AP2A2: variants seen among roughly 807,000 people sequenced by gnomAD.
AP2A2 encodes the protein adaptor related protein complex 2 subunit alpha 2.
A neutral mutation model predicts 104.2 loss-of-function variants in AP2A2; 32 were observed. That is an observed-to-expected ratio of 0.31 (90% CI 0.23 to 0.41). AP2A2 has a LOEUF of 0.41. Ranked by LOEUF, AP2A2 falls within the 10% of genes least tolerant of loss-of-function variation. The pLI is 1.00. For missense variants in AP2A2, 912 were observed against 1,261.0 expected (o/e 0.72, Z 4.19); for synonymous variants, 539 against 533.3 (o/e 1.01, Z -0.15).
Position 959,427 on chromosome 11 carries a change from T to C in AP2A2, c.68-10T>C, listed in dbSNP as rs781692514. The C allele has an allele frequency of 6.8e-7, 1 of 1,475,558 alleles. No individual in the cohort carries two copies. The highest frequency in any genetic ancestry group is 9.4e-7 in the Non-Finnish European group (1 of 1,066,574). The allele number at this position is 1,475,558 out of a possible 1,614,324, so 91.4% of individuals were successfully genotyped here. Reference sequence around the variant, plus strand: ...TTAAAATAAAAATGGCTTTTTGTTCTTTTTTTTAGGTAAAAGTAAAGAAGC... The same window carrying C: ...TTAAAATAAAAATGGCTTTTTGTTCCTTTTTTTAGGTAAAAGTAAAGAAGC... On this transcript the variant is annotated splice_polypyrimidine_tract_variant and intron_variant, in intron 1 of 21. Transcript: ENST00000448903.
intron 10 of AP2A2, among the ~76,000 whole-genome samples, chr11:990,435 C>A (rs571681678): frequency 4.7e-4 from 72 of 151,890 alleles, no homozygotes; most frequent in Non-Finnish European, 8.1e-4. Context: ...ACGGGAGCCT[C>A]GTTCCTGATT....
At chr11:970,393 G>A in intron 3 of AP2A2, 82 bp downstream of exon 3, 2 of 1,542,248 alleles carry the variant, frequency 1.3e-6, no homozygotes, top group Non-Finnish European at 1.8e-6. Flanking sequence ...TAGGGCCGCT[G>A]CTTCCTTCTC....
chr11:1,001,611 G>A (rs980037854), intron 15 of AP2A2, among the ~76,000 whole-genome samples: 3 of 152,138 alleles, frequency 2.0e-5, no homozygotes, highest in Non-Finnish European at 4.4e-5. Flanking sequence ...GTGGGTGCAG[G>A]TCGCCGCTTG....
At chr11:928,012 C>A (rs969799293) in intron 1 of AP2A2, among the ~76,000 whole-genome samples, 1 of 152,164 alleles carries the variant, frequency 6.6e-6, no homozygotes, top group African/African-American at 2.4e-5. Context: ...GTCTGTCCTT[C>A]CATTTTTGAA....
At chr11:933,481 T>C in intron 1 of AP2A2, 4 of 452,942 alleles carry the variant, frequency 8.8e-6, no homozygotes, top group South Asian at 6.2e-5. Flanking sequence ...GTGGGTGGGA[T>C]AGGTTGAGGT....
intron 5 of AP2A2, among the ~76,000 whole-genome samples, chr11:979,240 G>C (rs543383449): frequency 2.7e-5 from 4 of 150,060 alleles, no homozygotes; most frequent in East Asian, 3.9e-4. Flanking sequence ...TTCTAGATGC[G>C]TGTTTCCTGG....
intron 1 of AP2A2, among the ~76,000 whole-genome samples, chr11:930,562 C>G (rs565745870): frequency 1.3e-5 from 2 of 152,002 alleles, no homozygotes; most frequent in East Asian, 3.9e-4. Context: ...GCTCTGTCGC[C>G]CAGGCTGGAG....
At chr11:945,025 G>C (rs1019165689) in intron 1 of AP2A2, among the ~76,000 whole-genome samples, 6 of 152,026 alleles carry the variant, frequency 3.9e-5, no homozygotes, top group African/African-American at 1.5e-4. Flanking sequence ...TGGTGTGAGG[G>C]GTGAACAGCT....
intron 1 of AP2A2, among the ~76,000 whole-genome samples, chr11:953,384 C>G (rs1854117207): frequency 6.6e-6 from 1 of 151,964 alleles, no homozygotes; most frequent in Admixed American, 6.5e-5. Flanking sequence ...AGGCTGGTCT[C>G]AAACTCCTGA....
chr11:937,073 T>C (rs959463667), intron 1 of AP2A2, among the ~76,000 whole-genome samples: 1 of 152,066 alleles, frequency 6.6e-6, no homozygotes, highest in Non-Finnish European at 1.5e-5. Flanking sequence ...CAGGCTGGAG[T>C]GCAGTGGCGC....
At chr11:957,283 C>A (rs931692524) in intron 1 of AP2A2, among the ~76,000 whole-genome samples, 2 of 152,348 alleles carry the variant, frequency 1.3e-5, no homozygotes, top group Admixed American at 1.3e-4. Flanking sequence ...GGACGTTCCC[C>A]AAACCCTGTC....
At chr11:958,420 G>A (rs1854310056) in intron 1 of AP2A2, among the ~76,000 whole-genome samples, 1 of 152,188 alleles carries the variant, frequency 6.6e-6, no homozygotes, top group African/African-American at 2.4e-5. Flanking sequence ...ATGACCATGA[G>A]GAATTACAGA....
At chr11:935,477 T>C (rs1853422066) in intron 1 of AP2A2, among the ~76,000 whole-genome samples, 1 of 152,014 alleles carries the variant, frequency 6.6e-6, no homozygotes, top group East Asian at 1.9e-4. Context: ...CGGTTTTGAA[T>C]TTTTAGTAGA....
chr11:925,917 C>A lies in AP2A2; in HGVS notation c.-105C>A. 2.3e-6 allele frequency: 2 copies of A among 879,946 alleles called. No individual in the cohort carries two copies. The highest frequency in any genetic ancestry group is 1.5e-6 in the Non-Finnish European group (1 of 647,742). 54.5% of individuals were successfully genotyped at this position (879,946 alleles called of 1,614,324 possible). On this transcript the variant is annotated 5_prime_UTR_variant, in exon 1 of 22. Coordinates refer to ENST00000448903, the MANE Select transcript of AP2A2 (RefSeq NM_012305.4). Reference sequence around the variant, plus strand: ...AGGCGGCCGTGGTTAGGCGGCTCCCCGGCGGCTCCTCCGCGGCGGTGACGG... The same window carrying A: ...AGGCGGCCGTGGTTAGGCGGCTCCCAGGCGGCTCCTCCGCGGCGGTGACGG...
intron 4 of AP2A2, among the ~76,000 whole-genome samples, chr11:975,776 G>A (rs539924270): frequency 1.3e-5 from 2 of 151,338 alleles, no homozygotes; most frequent in African/African-American, 2.4e-5. Context: ...GGAGAGTGGC[G>A]GTGGGGTCCT....
At chr11:969,586 A>T (rs1472503215) in intron 2 of AP2A2, among the ~76,000 whole-genome samples, 2 of 151,988 alleles carry the variant, frequency 1.3e-5, no homozygotes, top group African/African-American at 4.8e-5. Flanking sequence ...TCTGCCAATT[A>T]CATGTTTTGA....
intron 18 of AP2A2, 121 bp downstream of exon 18, chr11:1,008,256 G>A (rs1238040018): frequency 2.9e-6 from 4 of 1,360,340 alleles, no homozygotes; most frequent in Non-Finnish European, 3.9e-6. Context: ...GGGTGCTCAC[G>A]GTGCATGGAT....
chr11:931,423 C>A (rs1449351129), intron 1 of AP2A2, among the ~76,000 whole-genome samples: 1 of 152,194 alleles, frequency 6.6e-6, no homozygotes, highest in African/African-American at 2.4e-5. Flanking sequence ...AGAGACACAG[C>A]ACTGCTGAAA....
At position 996,213 on chromosome 11, in the gene AP2A2, CG is replaced by C. The variant is rs1855852556; in HGVS notation, c.1956+1970del. On this transcript the variant is annotated intron_variant, in intron 14 of 21. Coordinates refer to ENST00000448903, the MANE Select transcript of AP2A2 (RefSeq NM_012305.4). ...GCTCCGCCCTGCAGAGAGGAGGACG[CG>C]GCCCCAGTTGGGTGAGGAGGCGAGG... The C allele has an allele frequency of 2.0e-5, 3 of 152,530 alleles. No homozygotes were observed. In the South Asian group the frequency reaches 6.2e-4, roughly 32 times the overall value. 9.4% of individuals were successfully genotyped at this position (152,530 alleles called of 1,614,324 possible). A position where few individuals can be genotyped will look rare whatever the true frequency, so the allele number is the denominator to read the frequency against.
Sources: allele counts gnomAD v4.1 joint callset (sites outside exome capture counted in the v4.1 genomes callset), GRCh38; gene constraint gnomAD v4.1.1; transcripts MANE v1.5; gene names NCBI Gene and HGNC (gene_info 2026-07-23, HGNC 2026-07-21).